SMCO3: variants seen among roughly 807,000 people sequenced by gnomAD.
SMCO3 encodes the protein single-pass membrane protein with coiled-coil domains 3.
A neutral mutation model predicts 12.0 loss-of-function variants in SMCO3; 6 were observed. The observed-to-expected ratio is 0.50, with a 90% CI of 0.27 to 0.99. The LOEUF is 0.99. Among genes scored for constraint, SMCO3 ranks in the 50% least tolerant of loss-of-function variants. The probability of loss-of-function intolerance (pLI) is 0.11; values close to 1 mark genes in which losing one functional copy is unlikely to be tolerated. For missense variants in SMCO3, 279 were observed against 265.0 expected, an observed-to-expected ratio of 1.05 and a Z score of -0.37; for synonymous variants, 96 against 96.4, an observed-to-expected ratio of 1.00 and a Z score of 0.02.
rs1024291505 is a variant in SMCO3, at chr12:14,810,156, T to G, written c.-16-3460A>C. Among the ~76,000 whole-genome samples the G allele has an allele frequency of 3.5e-4, 53 of 152,138 alleles. 1 individual carries two copies. Among genetic ancestry groups the G allele is most frequent in the Non-Finnish European group, 1.0e-4 (7 of 68,022 alleles). The stretch of plus-strand genomic sequence containing the variant: ...CTGAGTCAGACTTACCTTCCTAGCT[T>G]TTTTCCTTGGGTGGGGAGTGGGGAG... On this transcript the variant is annotated intron_variant, in intron 1 of 1. Transcript: ENST00000316048.
rs1950045005 is a variant in SMCO3, at chr12:14,806,135, T to A, written c.546A>T (p.Ala182=). ...IDMIVRAILG[A]VEKTQLQAAI... ...CTGCTTGAAGCTGTGTTTTTTCCACTGCTCCCAGGATGGCACGGACAATCA... is the reference window on the plus strand; with the variant it reads ...CTGCTTGAAGCTGTGTTTTTTCCACAGCTCCCAGGATGGCACGGACAATCA... Residue 182 remains alanine, a synonymous_variant, in exon 2 of 2, where the codon GCA becomes GCT. Coordinates refer to ENST00000316048, the MANE Select transcript of SMCO3 (RefSeq NM_001013698.2). The A allele has an allele frequency of 8.1e-6, 13 of 1,614,194 alleles. No homozygotes were observed. The East Asian group carries it at 2.9e-4, about 36-fold the overall frequency.
At position 14,810,160 on chromosome 12, in the gene SMCO3, T is replaced by C. The variant is rs199719804; in HGVS notation, c.-16-3464A>G. Among the ~76,000 whole-genome samples the C allele has an allele frequency of 4.6e-5, 7 of 152,338 alleles. No individual in the cohort carries two copies. In the East Asian group the frequency reaches 1.3e-3, roughly 29 times the overall value. ...GTCAGACTTACCTTCCTAGCTTTTT[T>C]CCTTGGGTGGGGAGTGGGGAGGGTT... On this transcript the variant is annotated intron_variant, in intron 1 of 1. Coordinates refer to ENST00000316048, the MANE Select transcript of SMCO3 (RefSeq NM_001013698.2).
intron 1 of SMCO3, among the ~76,000 whole-genome samples, chr12:14,810,721 C>G (rs1477994999): frequency 6.6e-6 from 1 of 152,060 alleles, no homozygotes; most frequent in African/African-American, 2.4e-5. Flanking sequence ...AATTTGTAAC[C>G]TTTCAAGTAT....
intron 1 of SMCO3, among the ~76,000 whole-genome samples, chr12:14,808,191 A>C (rs945964170): frequency 6.6e-6 from 1 of 152,092 alleles, no homozygotes; most frequent in African/African-American, 2.4e-5. Context: ...CTGAGAGTAC[A>C]TCATAGAATG....
At chr12:14,812,736 G>C (rs1950160368) in intron 1 of SMCO3, among the ~76,000 whole-genome samples, 1 of 151,730 alleles carries the variant, frequency 6.6e-6, no homozygotes, top group Non-Finnish European at 1.5e-5. Flanking sequence ...GCAGGATACT[G>C]GGTATCCTGC....
chr12:14,807,099 T>G (rs1950063705), intron 1 of SMCO3, among the ~76,000 whole-genome samples: 1 of 152,238 alleles, frequency 6.6e-6, no homozygotes, highest in Non-Finnish European at 1.5e-5. Context: ...CCCAAAGTGC[T>G]AGGATTACAG....
At chr12:14,810,668 A>C (rs1483445835) in intron 1 of SMCO3, among the ~76,000 whole-genome samples, 1 of 152,210 alleles carries the variant, frequency 6.6e-6, no homozygotes, top group Non-Finnish European at 1.5e-5. Context: ...ATATATTGGC[A>C]CTGTGGCCAT....
intron 1 of SMCO3, among the ~76,000 whole-genome samples, chr12:14,811,716 A>G (rs762466713): frequency 3.5e-4 from 53 of 152,216 alleles, no homozygotes; most frequent in Non-Finnish European, 6.9e-4. Flanking sequence ...TTTTTCAGAA[A>G]AGGAACTACC....
chr12:14,809,987 C>T (rs1403246688), intron 1 of SMCO3, among the ~76,000 whole-genome samples: 1 of 152,196 alleles, frequency 6.6e-6, no homozygotes, highest in Non-Finnish European at 1.5e-5. Context: ...TTTAAGTAGT[C>T]TTGCTCTTGC....
intron 1 of SMCO3, among the ~76,000 whole-genome samples, chr12:14,809,314 A>G (rs910039730): frequency 1.3e-5 from 2 of 152,184 alleles, no homozygotes; most frequent in Admixed American, 1.3e-4. Flanking sequence ...GCACAACTTC[A>G]CGAATTAATC....
At chr12:14,810,301 A>C (rs944946703) in intron 1 of SMCO3, among the ~76,000 whole-genome samples, 4 of 152,246 alleles carry the variant, frequency 2.6e-5, no homozygotes, top group African/African-American at 7.2e-5. Context: ...GATAAGAAGC[A>C]CTGGGGAATT....
Position 14,806,651 on chromosome 12 carries a change from C to T in SMCO3, c.30G>A (p.Glu10=). The change falls in exon 2 of 2, where the codon GAG becomes GAA. Residue 10 remains glutamate (E), a synonymous_variant. Transcript: ENST00000316048. MAQSDFLYP[E]NPKRREEVNR... ...TTACTTCTTCCCGCCTTTTTGGGTT[C>T]TCTGGGTAAAGGAAGTCACTTTGGG... is the stretch of plus-strand genomic sequence containing the variant. The T allele has an allele frequency of 6.2e-7, 1 of 1,608,112 alleles. No individual in the cohort carries two copies. Among genetic ancestry groups the T allele is most frequent in the Non-Finnish European group, 8.5e-7 (1 of 1,177,914 alleles).
chr12:14,808,209 T>A (rs1001180256), intron 1 of SMCO3, among the ~76,000 whole-genome samples: 4 of 151,780 alleles, frequency 2.6e-5, no homozygotes, highest in African/African-American at 4.8e-5. Flanking sequence ...ATGAATAAAA[T>A]AAACTTGACA....
intron 1 of SMCO3, 102 bp downstream of exon 1, chr12:14,814,024 T>C (rs902011888): frequency 1.3e-5 from 2 of 152,158 alleles, no homozygotes; most frequent in African/African-American, 4.8e-5. Context: ...CTTTATTTTA[T>C]TTATGGTTAG....
intron 1 of SMCO3, 44 bp downstream of exon 1, chr12:14,814,082 C>T (rs1289767561): frequency 6.6e-6 from 1 of 152,166 alleles, no homozygotes; most frequent in Non-Finnish European, 1.5e-5. Context: ...TACTGAGAAA[C>T]AGAGTATTAT....
chr12:14,806,964 T>A (rs1212902824), intron 1 of SMCO3, among the ~76,000 whole-genome samples: 1 of 152,188 alleles, frequency 6.6e-6, no homozygotes, highest in African/African-American at 2.4e-5. Flanking sequence ...CCCGAGTAGC[T>A]GGGATTACAG....
intron 1 of SMCO3, 42 bp downstream of exon 1, chr12:14,814,084 G>A (rs1033673789): frequency 4.6e-5 from 7 of 152,178 alleles, no homozygotes; most frequent in African/African-American, 1.4e-4. Context: ...CTGAGAAACA[G>A]AGTATTATAT....
At chr12:14,809,465 A>G (rs1349816194) in intron 1 of SMCO3, among the ~76,000 whole-genome samples, 2 of 152,220 alleles carry the variant, frequency 1.3e-5, no homozygotes, top group African/African-American at 4.8e-5. Context: ...TCAGTGAATT[A>G]ATGGAACAAA....
rs915067528 is a variant in SMCO3, at chr12:14,805,044, T to C, written c.*959A>G. Reference sequence around the variant, plus strand: ...AACCATTAATAGGCTTCCATAGCCTTTGGCGTTTTCTAAAATCAGGTAATT... The same window carrying C: ...AACCATTAATAGGCTTCCATAGCCTCTGGCGTTTTCTAAAATCAGGTAATT... On this transcript the variant is annotated 3_prime_UTR_variant, in exon 2 of 2. Coordinates refer to ENST00000316048, the MANE Select transcript of SMCO3 (RefSeq NM_001013698.2). 1.3e-5 allele frequency: 2 copies of C among 152,230 alleles called. No homozygotes were observed. The highest frequency in any genetic ancestry group is 4.8e-5 in the African/African-American group (2 of 41,458). 9.4% of individuals were successfully genotyped at this position (152,230 alleles called of 1,614,324 possible). A position where few individuals can be genotyped will look rare whatever the true frequency, so the allele number is the denominator to read the frequency against.
Sources: gnomAD v4.1 joint callset for allele counts (sites outside exome capture counted in the v4.1 genomes callset) on GRCh38, gnomAD v4.1.1 for gene constraint, MANE v1.5 for transcripts, NCBI Gene and HGNC (gene_info 2026-07-23, HGNC 2026-07-21) for gene names.